The following GNG7 variants were observed in gnomAD, a reference collection of about 807,000 sequenced individuals.
GNG7 encodes guanine nucleotide-binding protein G(I)/G(S)/G(O) subunit gamma-7.
A neutral mutation model predicts 4.0 loss-of-function variants in GNG7; 1 was observed. The observed-to-expected ratio is 0.25, with a 90% CI of 0.09 to 1.18. GNG7 has a LOEUF of 1.18. Among genes scored for constraint, GNG7 ranks in the 50% most tolerant of loss-of-function variants. The pLI is 0.50. For synonymous variants in GNG7, 34 were observed against 36.9 expected, an observed-to-expected ratio of 0.92 and a Z score of 0.29; for missense variants, 86 against 91.9, an observed-to-expected ratio of 0.94 and a Z score of 0.26.
chr19:2,590,728 TCCATCCATCCACCCAC>T (rs1370551197), intron 2 of GNG7, among the ~76,000 whole-genome samples: 2 of 150,524 alleles, frequency 1.3e-5, no homozygotes, highest in Non-Finnish European at 3.0e-5. Context: ...CATCCATCCA[TCCATCCATCCACCCAC>T]CCATCCACCC....
At chr19:2,562,558 C>T (rs1460480017) in intron 2 of GNG7, among the ~76,000 whole-genome samples, 1 of 152,240 alleles carries the variant, frequency 6.6e-6, no homozygotes, top group African/African-American at 2.4e-5. Flanking sequence ...ACTGTGGACA[C>T]TGGGGCCAGA....
intron 1 of GNG7, among the ~76,000 whole-genome samples, chr19:2,676,964 C>T (rs1420277428): frequency 6.6e-6 from 1 of 152,206 alleles, no homozygotes; most frequent in Non-Finnish European, 1.5e-5. Context: ...CCAGGCAGGA[C>T]TCCCGATTCC....
chr19:2,520,554 T>G (rs1299561917), intron 4 of GNG7, 54 bp downstream of exon 4: 9 of 967,678 alleles, frequency 9.3e-6, no homozygotes, highest in Non-Finnish European at 3.2e-6. Context: ...GTTCATCATT[T>G]GCGGGGCCCC....
At chr19:2,542,025 A>AGGGC (rs1388071317) in intron 3 of GNG7, among the ~76,000 whole-genome samples, 2 of 151,080 alleles carry the variant, frequency 1.3e-5, no homozygotes, top group African/African-American at 4.9e-5. Flanking sequence ...GGCTGGCTGC[A>AGGGC]GGGCGGCCCT....
In GNG7 at chr19:2,513,693, A is replaced by G; in HGVS notation, c.*1329T>C. On this transcript the variant is annotated 3_prime_UTR_variant, in exon 5 of 5. Coordinates refer to ENST00000382159, the MANE Select transcript of GNG7 (RefSeq NM_052847.3). Reference sequence around the variant, plus strand: ...TTGAGCGGACGTTTTGATCTCCGGGACAACGTCTCACCTCCCAGAGTCCTT... The same window carrying G: ...TTGAGCGGACGTTTTGATCTCCGGGGCAACGTCTCACCTCCCAGAGTCCTT... The G allele has an allele frequency of 5.9e-6, 2 of 337,492 alleles. No homozygotes were observed. The highest frequency in any genetic ancestry group is 8.4e-6 in the Non-Finnish European group (2 of 237,920). The allele number at this position is 337,492 out of a possible 1,614,324, so 20.9% of individuals were successfully genotyped here. A position where few individuals can be genotyped will look rare whatever the true frequency, so the allele number is the denominator to read the frequency against.
rs1980114100 is a variant in GNG7 at position 2,570,523 on chromosome 19, A to G, written c.-77-15335T>C. On this transcript the variant is annotated intron_variant, in intron 2 of 4. Transcript: ENST00000382159. Reference sequence around the variant, plus strand: ...GGCATCTGCAAACCTCAGCTCTTCCATCTGTAAAATGGGCATCTCCACACC... The same window carrying G: ...GGCATCTGCAAACCTCAGCTCTTCCGTCTGTAAAATGGGCATCTCCACACC... 3.3e-5 allele frequency among the ~76,000 whole-genome samples: 5 copies of G among 152,174 alleles called. 1 individual carries two copies. In the South Asian group the frequency reaches 6.2e-4, roughly 19 times the overall value.
intron 2 of GNG7, among the ~76,000 whole-genome samples, chr19:2,644,382 A>ATATATATAAAG (rs1568272569): frequency 9.2e-5 from 10 of 109,164 alleles, no homozygotes; most frequent in African/African-American, 1.7e-4. Flanking sequence ...TATATATATA[A>ATATATATAAAG]TGCTCTATCT....
At chr19:2,552,151 G>T (rs897957025) in intron 3 of GNG7, among the ~76,000 whole-genome samples, 1 of 152,108 alleles carries the variant, frequency 6.6e-6, no homozygotes, top group South Asian at 2.1e-4. Context: ...AATGCCTAAT[G>T]GCCTCGACTG....
intron 1 of GNG7, among the ~76,000 whole-genome samples, chr19:2,673,705 A>C (rs939516910): frequency 2.0e-5 from 3 of 150,738 alleles, no homozygotes; most frequent in Admixed American, 2.0e-4. Flanking sequence ...AAAAAAAAAA[A>C]AAGAAAGAAA....
Position 2,646,037 on chromosome 19 carries a change from G to A in GNG7, c.-78+187C>T, listed in dbSNP as rs55637837. Among the ~76,000 whole-genome samples, 21,877 of 152,070 alleles carry A rather than the reference G, an allele frequency of 0.14. 1,665 individuals are homozygous for A. Among genetic ancestry groups the A allele is most frequent in the Middle Eastern group, 0.22 (63 of 290 alleles). On this transcript the variant is annotated intron_variant, in intron 2 of 4. Transcript: ENST00000382159. Reference sequence around the variant, plus strand: ...CCCTGCCTCGTGGGCGGGAAACTCTGCCAGGAGCTAGCAGCTGTTACCCAC... The same window carrying A: ...CCCTGCCTCGTGGGCGGGAAACTCTACCAGGAGCTAGCAGCTGTTACCCAC...
chr19:2,574,283 C>G (rs1470125944), intron 2 of GNG7, among the ~76,000 whole-genome samples: 2 of 152,206 alleles, frequency 1.3e-5, no homozygotes, highest in Non-Finnish European at 2.9e-5. Flanking sequence ...CTCTCCCTCT[C>G]TCTTTTCTCA....
At chr19:2,616,594 GGGAGAAA>G (rs1435007137) in intron 2 of GNG7, among the ~76,000 whole-genome samples, 6 of 152,184 alleles carry the variant, frequency 3.9e-5, no homozygotes, top group African/African-American at 1.4e-4. Flanking sequence ...CTGACCAACA[GGGAGAAA>G]CCCCGTCTCT....
intron 2 of GNG7, among the ~76,000 whole-genome samples, chr19:2,561,834 T>C (rs1418906724): frequency 2.6e-5 from 4 of 151,796 alleles, no homozygotes; most frequent in African/African-American, 9.7e-5. Flanking sequence ...TGAGCCGAGA[T>C]TGCACCATTG....
intron 2 of GNG7, among the ~76,000 whole-genome samples, chr19:2,627,275 G>A (rs995968791): frequency 1.3e-5 from 2 of 152,054 alleles, no homozygotes; most frequent in Non-Finnish European, 2.9e-5. Context: ...GTGGAGGCCA[G>A]GGACACTGTC....
chr19:2,692,463 A>G (rs960635999), intron 1 of GNG7, among the ~76,000 whole-genome samples: 10 of 151,878 alleles, frequency 6.6e-5, no homozygotes, highest in Non-Finnish European at 1.0e-4. Flanking sequence ...GTGAAACCCC[A>G]TCTCTACTAA....
In GNG7 at chr19:2,557,249, A is replaced by C. The variant is rs1047703645; in HGVS notation, c.-77-2061T>G. 4.0e-5 allele frequency among the ~76,000 whole-genome samples: 6 copies of C among 150,974 alleles called. No homozygotes were observed. Among genetic ancestry groups the C allele is most frequent in the Non-Finnish European group, 7.4e-5 (5 of 67,878 alleles). ...TGCACACACAGACGCACATGTGCAC[A>C]CACACGTGCACACACATTTGCACAC... is the stretch of plus-strand genomic sequence containing the variant. On this transcript the variant is annotated intron_variant, in intron 2 of 4. Transcript: ENST00000382159. This position sits in a 1 kb window ranked among gnomAD's most constrained non-coding sequence, Gnocchi z 5.1.
chr19:2,543,541 A>G (rs1000003222), intron 3 of GNG7, among the ~76,000 whole-genome samples: 1 of 151,712 alleles, frequency 6.6e-6, no homozygotes, highest in African/African-American at 2.4e-5. Flanking sequence ...TTTTCTTTTC[A>G]CAGCCCTGAG....
Position 2,639,586 on chromosome 19 carries a change from G to GGAAGGAA in GNG7, c.-78+6637_-78+6638insTTCCTTC, listed in dbSNP as rs71179903. ...AGGTTTTTGTGGCTGGATGTCAAAT[G>GGAAGGAA]TAGATGGCAGGCACAGAGCTCAGCA... is the stretch of plus-strand genomic sequence containing the variant. On this transcript the variant is annotated intron_variant, in intron 2 of 4. Coordinates refer to ENST00000382159, the MANE Select transcript of GNG7 (RefSeq NM_052847.3). Among the ~76,000 whole-genome samples, 24 of 149,780 alleles carry GGAAGGAA rather than the reference G, an allele frequency of 1.6e-4. 1 individual carries two copies. The highest frequency in any genetic ancestry group is 2.7e-4 in the Admixed American group (4 of 14,898).
At position 2,513,043 on chromosome 19, in the gene GNG7, T is replaced by G; in HGVS notation, c.*1979A>C. 1.0e-6 allele frequency: 1 copy of G among 985,388 alleles called. No homozygotes were observed. The highest frequency in any genetic ancestry group is 1.2e-6 in the Non-Finnish European group (1 of 829,940). 61.0% of individuals were successfully genotyped at this position (985,388 alleles called of 1,614,324 possible). A position where few individuals can be genotyped will look rare whatever the true frequency, so the allele number is the denominator to read the frequency against. The stretch of plus-strand genomic sequence containing the variant: ...AGCCCCAGCCCTCCCGGACCTGCCG[T>G]AGAGAGCTGGGTGCCGGGGGTGGGG... On this transcript the variant is annotated 3_prime_UTR_variant, in exon 5 of 5. Coordinates refer to ENST00000382159, the MANE Select transcript of GNG7 (RefSeq NM_052847.3).
Sources: allele counts gnomAD v4.1 joint callset (sites outside exome capture counted in the v4.1 genomes callset), GRCh38; gene constraint gnomAD v4.1.1; non-coding constraint Gnocchi (gnomAD v3.1); transcripts MANE v1.5; gene names NCBI Gene and HGNC (gene_info 2026-07-23, HGNC 2026-07-21).